The following MYRIP variants were observed in gnomAD, a reference collection of about 807,000 sequenced individuals.
MYRIP encodes myosin VIIA and Rab interacting protein.
Under a neutral mutation model 98.0 loss-of-function variants are expected in MYRIP, and 49 were observed. The observed-to-expected ratio is 0.50, with a 90% CI of 0.40 to 0.63. The LOEUF (loss-of-function observed/expected upper bound fraction) is 0.63. Ranked by LOEUF, MYRIP falls within the 30% of genes least tolerant of loss-of-function variation. The pLI, the probability that MYRIP is intolerant of heterozygous loss-of-function variation, is 0.00. For missense variants in MYRIP, 1,004 were observed against 1,058.2 expected (o/e 0.95, Z 0.71); for synonymous variants, 404 against 409.5 (o/e 0.99, Z 0.16).
intron 1 of MYRIP, among the ~76,000 whole-genome samples, chr3:39,828,069 T>G (rs1003549812): frequency 6.6e-6 from 1 of 152,168 alleles, no homozygotes; most frequent in Non-Finnish European, 1.5e-5. Context: ...GGAAAGGACC[T>G]GTTTGAGTGG....
intron 1 of MYRIP, among the ~76,000 whole-genome samples, chr3:39,827,393 G>A (rs1443953828): frequency 1.3e-5 from 2 of 152,146 alleles, no homozygotes; most frequent in Admixed American, 6.5e-5. Flanking sequence ...GTTTATAGGC[G>A]TGAGCCACCG....
intron 2 of MYRIP, among the ~76,000 whole-genome samples, chr3:39,924,497 G>A (rs1944373343): frequency 1.3e-5 from 2 of 151,940 alleles, no homozygotes; most frequent in African/African-American, 4.8e-5. Context: ...TAAATTGGTA[G>A]AACTAACACT....
chr3:39,902,017 C>A (rs1410134771), intron 2 of MYRIP, among the ~76,000 whole-genome samples: 3 of 152,078 alleles, frequency 2.0e-5, no homozygotes, highest in Non-Finnish European at 2.9e-5. Context: ...AGAGCTTTGG[C>A]ATAATCCTGA....
intron 4 of MYRIP, among the ~76,000 whole-genome samples, chr3:40,155,813 T>C (rs1168685423): frequency 1.3e-5 from 2 of 152,182 alleles, no homozygotes; most frequent in African/African-American, 4.8e-5. Context: ...TCTGTTCATG[T>C]CCTTTGACCA....
chr3:40,147,198 CTT>C (rs1267743138), intron 3 of MYRIP, among the ~76,000 whole-genome samples: 1 of 152,050 alleles, frequency 6.6e-6, no homozygotes, highest in Admixed American at 6.5e-5. Flanking sequence ...TTTATTAAAA[CTT>C]TTATTATATG....
At chr3:40,045,718 T>C (rs1323750491) in intron 3 of MYRIP, among the ~76,000 whole-genome samples, 2 of 152,204 alleles carry the variant, frequency 1.3e-5, no homozygotes, top group Non-Finnish European at 2.9e-5. Flanking sequence ...CAAGTTCCTG[T>C]AACAAATTAT....
rs962834184 is a variant in MYRIP, at chr3:39,876,412, C to A, written c.-30-24375C>A. Among the ~76,000 whole-genome samples the A allele has an allele frequency of 6.4e-3, 974 of 152,160 alleles. 14 individuals carry two copies. The highest frequency in any genetic ancestry group is 0.022 in the African/African-American group (901 of 41,514). On this transcript the variant is annotated intron_variant, in intron 1 of 16. Coordinates refer to ENST00000302541, the MANE Select transcript of MYRIP (RefSeq NM_015460.4). Reference sequence around the variant, plus strand: ...ATGTTAGCTGGTTATTTTGCTCATTCGTTCATGCAGTTTCTTCCTAGCCTC... The same window carrying A: ...ATGTTAGCTGGTTATTTTGCTCATTAGTTCATGCAGTTTCTTCCTAGCCTC...
Position 40,167,216 on chromosome 3 carries a change from C to G in MYRIP, c.706C>G (p.Leu236Val), listed in dbSNP as rs760228904. Residue 236 changes from leucine (L) to valine (V), a missense_variant, in exon 7 of 17, where the codon CTG becomes GTG. Coordinates refer to ENST00000302541, the MANE Select transcript of MYRIP (RefSeq NM_015460.4). ...CCACAAGGAGGAGCTAACTGAGGAA[C>G]TGGCCACGACAATCCTGCAGAAGGT... ...RDHKEELTEE[L>V]ATTILQKIIR... 3 of 1,614,196 alleles carry G rather than the reference C, an allele frequency of 1.9e-6. No individual in the cohort carries two copies. The highest frequency in any genetic ancestry group is 3.3e-5 in the Admixed American group (2 of 60,032).
At chr3:39,837,293 G>C (rs1006518395) in intron 1 of MYRIP, among the ~76,000 whole-genome samples, 7 of 152,112 alleles carry the variant, frequency 4.6e-5, no homozygotes, top group Non-Finnish European at 1.0e-4. Context: ...CTTTGCCCTT[G>C]CCTATGTCCC....
intron 10 of MYRIP, among the ~76,000 whole-genome samples, chr3:40,206,811 A>G (rs1951803142): frequency 6.6e-6 from 1 of 152,244 alleles, no homozygotes; most frequent in Admixed American, 6.5e-5. Flanking sequence ...GCAATTCTTC[A>G]TAATTTCTCA....
intron 3 of MYRIP, among the ~76,000 whole-genome samples, chr3:40,048,847 A>G (rs1304269085): frequency 6.6e-6 from 1 of 152,154 alleles, no homozygotes; most frequent in Admixed American, 6.6e-5. Context: ...ATGAATGATG[A>G]ATTACTTATT....
At chr3:40,254,346 T>C (rs1207790891) in intron 16 of MYRIP, among the ~76,000 whole-genome samples, 3 of 152,146 alleles carry the variant, frequency 2.0e-5, no homozygotes, top group African/African-American at 4.8e-5. Flanking sequence ...TCTGGCTCAG[T>C]GAATCTGCAT....
At chr3:40,019,796 T>C (rs1946951318) in intron 2 of MYRIP, among the ~76,000 whole-genome samples, 1 of 149,594 alleles carries the variant, frequency 6.7e-6, no homozygotes. Context: ...ACAATACCAT[T>C]ACCATTAGCA....
At chr3:40,013,534 G>A (rs952070029) in intron 2 of MYRIP, among the ~76,000 whole-genome samples, 1 of 152,222 alleles carries the variant, frequency 6.6e-6, no homozygotes, top group African/African-American at 2.4e-5. Context: ...CTGGAAAGAG[G>A]GAACCTCTGT....
At chr3:39,849,321 A>G (rs1383255853) in intron 1 of MYRIP, among the ~76,000 whole-genome samples, 1 of 152,234 alleles carries the variant, frequency 6.6e-6, no homozygotes, top group Non-Finnish European at 1.5e-5. Flanking sequence ...GTTGGATACA[A>G]ATAGATAAAG....
At chr3:39,999,826 C>T (rs1275947101) in intron 2 of MYRIP, among the ~76,000 whole-genome samples, 21 of 152,024 alleles carry the variant, frequency 1.4e-4, no homozygotes, top group Admixed American at 1.3e-3. Context: ...GACATATACA[C>T]CATGGAATAC....
intron 16 of MYRIP, among the ~76,000 whole-genome samples, chr3:40,254,268 AG>A (rs1454349637): frequency 6.6e-6 from 1 of 152,198 alleles, no homozygotes; most frequent in East Asian, 1.9e-4. Context: ...GGGAAAGGGC[AG>A]GCTATTGAGA....
chr3:40,135,961 A>T (rs1215518171), intron 3 of MYRIP, among the ~76,000 whole-genome samples: 1 of 152,268 alleles, frequency 6.6e-6, no homozygotes, highest in Non-Finnish European at 1.5e-5. Context: ...AAGGCTAGGA[A>T]GAAACTGCAT....
intron 2 of MYRIP, among the ~76,000 whole-genome samples, chr3:39,949,838 T>G (rs920165677): frequency 1.4e-4 from 21 of 152,298 alleles, no homozygotes; most frequent in African/African-American, 4.8e-4. Flanking sequence ...TGTTTTAATT[T>G]TATCTATCTC....
Sources: allele counts gnomAD v4.1 joint callset (sites outside exome capture counted in the v4.1 genomes callset), GRCh38; gene constraint gnomAD v4.1.1; transcripts MANE v1.5; gene names NCBI Gene and HGNC (gene_info 2026-07-23, HGNC 2026-07-21).